The following SLX4IP variants were observed in gnomAD, a reference collection of about 807,000 sequenced individuals.
SLX4IP encodes protein SLX4IP.
Under a neutral mutation model 32.9 loss-of-function variants are expected in SLX4IP, and 34 were observed. The observed-to-expected ratio is 1.03, with a 90% confidence interval of 0.79 to 1.38. The LOEUF (loss-of-function observed/expected upper bound fraction) is 1.38, where lower values mean the gene tolerates loss of function less well. SLX4IP is among the 40% of genes most tolerant of loss of function. The pLI is 0.00. For missense variants in SLX4IP, 444 were observed against 479.0 expected (o/e 0.93, Z 0.68); for synonymous variants, 172 against 171.7 (o/e 1.00, Z -0.01).
chr20:10,490,047 G>C (rs919133572), intron 2 of SLX4IP, among the ~76,000 whole-genome samples: 1 of 152,076 alleles, frequency 6.6e-6, no homozygotes, highest in African/African-American at 2.4e-5. Context: ...AGGAGGCCAT[G>C]ATGAATCACC....
chr20:10,536,392 A>C (rs2066044529), intron 2 of SLX4IP, among the ~76,000 whole-genome samples: 1 of 152,144 alleles, frequency 6.6e-6, no homozygotes, highest in African/African-American at 2.4e-5. Context: ...TTAAATAAAT[A>C]TGGTGAGTTG....
At chr20:10,615,930 C>T (rs1414142407) in intron 6 of SLX4IP, among the ~76,000 whole-genome samples, 1 of 152,114 alleles carries the variant, frequency 6.6e-6, no homozygotes, top group East Asian at 1.9e-4. Flanking sequence ...GGGTGGAGCC[C>T]TCATGGCCTA....
chr20:10,589,352 A>G (rs186167507), intron 4 of SLX4IP, among the ~76,000 whole-genome samples: 43 of 152,316 alleles, frequency 2.8e-4, no homozygotes, highest in African/African-American at 9.9e-4. Context: ...CCAACCCTGA[A>G]AGGGCTTTTC....
chr20:10,437,899 C>G (rs575095285), intron 1 of SLX4IP, among the ~76,000 whole-genome samples: 12 of 152,314 alleles, frequency 7.9e-5, no homozygotes, highest in African/African-American at 2.9e-4. Flanking sequence ...CTCTACTAAT[C>G]AGCTTTGTGA....
At chr20:10,566,598 G>A (rs1011118751) in intron 4 of SLX4IP, among the ~76,000 whole-genome samples, 3 of 152,080 alleles carry the variant, frequency 2.0e-5, no homozygotes, top group Non-Finnish European at 4.4e-5. Context: ...CTGCTGGTCG[G>A]AGCCTATATT....
chr20:10,499,244 A>G (rs538530896), intron 2 of SLX4IP, among the ~76,000 whole-genome samples: 1 of 152,166 alleles, frequency 6.6e-6, no homozygotes, highest in Admixed American at 6.5e-5. Flanking sequence ...TCTATCTTTG[A>G]ACTTTACTTA....
At chr20:10,596,421 G>T (rs539073494) in intron 4 of SLX4IP, among the ~76,000 whole-genome samples, 1 of 152,072 alleles carries the variant, frequency 6.6e-6, no homozygotes, top group South Asian at 2.1e-4. Flanking sequence ...AGGAGACGGG[G>T]TCTCAGTATG....
intron 2 of SLX4IP, among the ~76,000 whole-genome samples, chr20:10,509,794 G>C (rs368092516): frequency 3.3e-5 from 5 of 151,902 alleles, no homozygotes; most frequent in African/African-American, 1.2e-4. Context: ...GGCTCAAGCA[G>C]TCCTCCCCTT....
At chr20:10,613,526 C>T (rs2066991995) in intron 6 of SLX4IP, 1 of 1,610,148 alleles carries the variant, frequency 6.2e-7, no homozygotes, top group Non-Finnish European at 8.5e-7. Context: ...GAAAATTGTC[C>T]ATTTCCTTTT....
chr20:10,558,992 A>C (rs866593991), intron 3 of SLX4IP, among the ~76,000 whole-genome samples: 1 of 152,130 alleles, frequency 6.6e-6, no homozygotes, highest in Non-Finnish European at 1.5e-5. Flanking sequence ...TTGTCATGCT[A>C]TTTTTAGTTT....
intron 6 of SLX4IP, among the ~76,000 whole-genome samples, chr20:10,619,217 CTTTTTTTTTT>C (rs59741153): frequency 7.9e-6 from 1 of 126,652 alleles, no homozygotes; most frequent in Non-Finnish European, 1.7e-5. Context: ...CTTTTTTTTT[CTTTTTTTTTT>C]TTTTTTGAAA....
chr20:10,450,054 T>A (rs2065229787), intron 1 of SLX4IP, among the ~76,000 whole-genome samples: 1 of 152,240 alleles, frequency 6.6e-6, no homozygotes, highest in Non-Finnish European at 1.5e-5. Context: ...CACTGTAATA[T>A]GGCTCATTTA....
In SLX4IP at chr20:10,559,256, G is replaced by A. The variant is rs114751497; in HGVS notation, c.118-1444G>A. 8.3e-3 allele frequency among the ~76,000 whole-genome samples: 1,259 copies of A among 152,312 alleles called. 22 individuals are homozygous for A. The highest frequency in any genetic ancestry group is 0.029 in the African/African-American group (1,193 of 41,570). ...GCATCTTTAGGCTGCAACATGAAAA[G>A]CAGGAGAGAGGAAACCAGTGTTTGT... On this transcript the variant is annotated intron_variant, in intron 3 of 7. Coordinates refer to ENST00000334534, the MANE Select transcript of SLX4IP (RefSeq NM_001009608.3).
chr20:10,458,353 A>ATT, intron 2 of SLX4IP, 122 bp downstream of exon 2: 8 of 825,552 alleles, frequency 9.7e-6, no homozygotes, highest in Middle Eastern at 2.6e-4. Flanking sequence ...ACTCTGCAAA[A>ATT]TTTTTTTTTT....
chr20:10,525,304 C>G (rs1054746042), intron 2 of SLX4IP, among the ~76,000 whole-genome samples: 3 of 152,182 alleles, frequency 2.0e-5, no homozygotes, highest in Non-Finnish European at 4.4e-5. Context: ...CTCTTTTTAC[C>G]TGTTTATACA....
chr20:10,614,163 AC>A (rs1600157951), intron 6 of SLX4IP: 2 of 925,756 alleles, frequency 2.2e-6, no homozygotes, highest in African/African-American at 3.3e-5. Flanking sequence ...CACGCCCAGC[AC>A]CCAGTAAAGC....
chr20:10,545,916 A>T lies in SLX4IP; in HGVS notation c.28-10315A>T, dbSNP rs989795849. Among the ~76,000 whole-genome samples the T allele has an allele frequency of 6.6e-5, 10 of 152,238 alleles. 1 individual carries two copies. The highest frequency in any genetic ancestry group is 6.5e-4 in the Admixed American group (10 of 15,286). On this transcript the variant is annotated intron_variant, in intron 2 of 7. Coordinates refer to ENST00000334534, the MANE Select transcript of SLX4IP (RefSeq NM_001009608.3). ...TTCTTTGACTCATATGTAGTTTGTC[A>T]TAAATTCCTCTAACTCATAAACTGA... is the stretch of plus-strand genomic sequence containing the variant.
At chr20:10,545,497 C>CA (rs1172681875) in intron 2 of SLX4IP, among the ~76,000 whole-genome samples, 1 of 152,006 alleles carries the variant, frequency 6.6e-6, no homozygotes, top group East Asian at 1.9e-4. Context: ...CATTAAAAAA[C>CA]AAAAAACAAA....
At chr20:10,526,966 A>G (rs1302294646) in intron 2 of SLX4IP, among the ~76,000 whole-genome samples, 3 of 152,104 alleles carry the variant, frequency 2.0e-5, no homozygotes, top group Non-Finnish European at 4.4e-5. Context: ...GAGAGACAGG[A>G]TCTCCTTCTG....
Sources: gnomAD v4.1 joint callset for allele counts (sites outside exome capture counted in the v4.1 genomes callset) on GRCh38, gnomAD v4.1.1 for gene constraint, MANE v1.5 for transcripts, NCBI Gene and HGNC (gene_info 2026-07-23, HGNC 2026-07-21) for gene names.